SCLY: variants seen among roughly 807,000 people sequenced by gnomAD.
SCLY encodes selenocysteine lyase.
A neutral mutation model predicts 50.1 loss-of-function variants in SCLY; 38 were observed. The ratio of observed to expected loss-of-function variants is 0.76; its 90% CI spans 0.59 to 0.99. The LOEUF is 0.99. Among genes scored for constraint, SCLY ranks in the 50% least tolerant of loss-of-function variants. The pLI is 0.00. For missense variants in SCLY, 600 were observed against 620.0 expected (o/e 0.97, Z 0.34); for synonymous variants, 243 against 249.4 (o/e 0.97, Z 0.24).
intron 10 of SCLY, chr2:238,095,564 T>C (rs1204836163): frequency 6.6e-6 from 1 of 152,230 alleles, no homozygotes; most frequent in Non-Finnish European, 1.5e-5. Flanking sequence ...GCTGCGTTCA[T>C]GAGAACCTGG....
chr2:238,081,504 G>A (rs569512495), intron 4 of SCLY: 88 of 591,180 alleles, frequency 1.5e-4, no homozygotes, highest in African/African-American at 6.7e-4. Flanking sequence ...GACTGCAGCC[G>A]CGTTAAAGAC....
Position 238,069,169 on chromosome 2 carries a change from C to A in SCLY, c.304-128C>A. ...CCCAAATCTTTCAAAAGGTCCCACT[C>A]AGGAAGTTGAATTTCTTTGAAGCTT... On this transcript the variant is annotated intron_variant, in intron 3 of 11. Transcript: ENST00000254663. The surrounding 1 kb of genome is among the most constrained non-coding windows in gnomAD (Gnocchi z 5.0). 1.2e-6 allele frequency: 1 copy of A among 810,830 alleles called. No individual in the cohort carries two copies. The allele number at this position is 810,830 out of a possible 1,614,324, so 50.2% of individuals were successfully genotyped here.
intron 7 of SCLY, among the ~76,000 whole-genome samples, chr2:238,084,539 C>T (rs1328651270): frequency 3.0e-5 from 4 of 131,450 alleles, no homozygotes; most frequent in Non-Finnish European, 4.6e-5. Flanking sequence ...TGCAGTGATC[C>T]GAGATGGCAC....
At chr2:238,078,780 C>T (rs1159091570) in intron 4 of SCLY, 2 of 151,726 alleles carry the variant, frequency 1.3e-5, no homozygotes, top group Non-Finnish European at 1.5e-5. Flanking sequence ...GCAACCTCCA[C>T]CTTCCAGGTT....
At chr2:238,081,582 A>G in intron 4 of SCLY, 127 bp from the exon 5 acceptor site, 2 of 1,327,952 alleles carry the variant, frequency 1.5e-6, no homozygotes, top group East Asian at 2.4e-5. Context: ...ATTCTTCTTT[A>G]TAGTCTTCTG....
chr2:238,089,476 C>T (rs879314288), intron 7 of SCLY, among the ~76,000 whole-genome samples: 1 of 152,156 alleles, frequency 6.6e-6, no homozygotes, highest in Non-Finnish European at 1.5e-5. Context: ...TTCAACAGAT[C>T]GTGCCAAGGC....
intron 1 of SCLY, among the ~76,000 whole-genome samples, chr2:238,063,245 T>C (rs977169911): frequency 6.9e-6 from 1 of 145,432 alleles, no homozygotes; most frequent in African/African-American, 2.5e-5. Context: ...GGGTTTGTTT[T>C]TTTTGTTGTT....
chr2:238,081,384 C>T, intron 4 of SCLY: 1 of 255,424 alleles, frequency 3.9e-6, no homozygotes, highest in Non-Finnish European at 7.7e-6. Flanking sequence ...CAGTGAAGTG[C>T]TGTGCACTAG....
At chr2:238,074,498 T>C (rs2065154596) in intron 4 of SCLY, among the ~76,000 whole-genome samples, 1 of 152,174 alleles carries the variant, frequency 6.6e-6, no homozygotes, top group African/African-American at 2.4e-5. Context: ...TAGTTTTGTT[T>C]TTTTGAGGCA....
chr2:238,097,147 C>T (rs1005019348), intron 11 of SCLY, among the ~76,000 whole-genome samples: 4 of 20,002 alleles, frequency 2.0e-4, no homozygotes, highest in Non-Finnish European at 3.8e-4. Context: ...CCAGCGTGGC[C>T]GGGGCTGGGG....
intron 7 of SCLY, among the ~76,000 whole-genome samples, chr2:238,086,658 A>G (rs1297579812): frequency 6.7e-6 from 1 of 148,770 alleles, no homozygotes; most frequent in African/African-American, 2.5e-5. Context: ...GTGAGCTATG[A>G]TCACACCATT....
intron 8 of SCLY, chr2:238,091,610 G>T: frequency 3.5e-6 from 1 of 284,042 alleles, no homozygotes; most frequent in Admixed American, 4.6e-5. Flanking sequence ...TTGGTCTGTG[G>T]GGTGGCCAAT....
At position 238,069,628 on chromosome 2, in the gene SCLY, G is replaced by A. The variant is rs1251777468; in HGVS notation, c.484+151G>A. ...CTCACTGGTTCTGATGAGGAGGCAGGCCCTGGCACCTTGGTGAATAGTTGC... is the reference window on the plus strand; with the variant it reads ...CTCACTGGTTCTGATGAGGAGGCAGACCCTGGCACCTTGGTGAATAGTTGC... On this transcript the variant is annotated intron_variant, in intron 4 of 11. Coordinates refer to ENST00000254663, the MANE Select transcript of SCLY (RefSeq NM_016510.7). The surrounding 1 kb of genome is among the most constrained non-coding windows in gnomAD (Gnocchi z 5.0). 3 of 700,924 alleles carry A rather than the reference G, an allele frequency of 4.3e-6. No homozygotes were observed. The highest frequency in any genetic ancestry group is 4.4e-6 in the Non-Finnish European group (2 of 453,576). 43.4% of individuals were successfully genotyped at this position (700,924 alleles called of 1,614,324 possible).
Position 238,098,366 on chromosome 2 carries a change from G to A in SCLY, c.*11G>A, listed in dbSNP as rs376812888. On this transcript the variant is annotated 3_prime_UTR_variant, in exon 12 of 12. Transcript: ENST00000254663. The stretch of plus-strand genomic sequence containing the variant: ...GAGGACCAGGCCTAGCACTGGGGCC[G>A]CCTTCCCCACCCCGCTTCTGGGAAG... 9.2e-5 allele frequency: 145 copies of A among 1,580,442 alleles called. 1 individual carries two copies. The highest frequency in any genetic ancestry group is 7.5e-4 in the Admixed American group (44 of 58,784).
intron 11 of SCLY, among the ~76,000 whole-genome samples, chr2:238,097,384 C>T (rs1249812561): frequency 1.1e-5 from 1 of 89,574 alleles, no homozygotes; most frequent in African/African-American, 7.1e-5. Flanking sequence ...GCCCGAGCAG[C>T]GGCCTGCTGG....
At position 238,098,668 on chromosome 2, in the gene SCLY, T is replaced by TGGGA. The variant is rs1691357850; in HGVS notation, c.*313_*314insGGGA. 16 of 101,128 alleles carry TGGGA rather than the reference T, an allele frequency of 1.6e-4. No individual in the cohort carries two copies. Among genetic ancestry groups the TGGGA allele is most frequent in the South Asian group, 8.1e-4 (2 of 2,472 alleles). The allele number at this position is 101,128 out of a possible 1,614,324, so 6.3% of individuals were successfully genotyped here. On this transcript the variant is annotated 3_prime_UTR_variant, in exon 12 of 12. Coordinates refer to ENST00000254663, the MANE Select transcript of SCLY (RefSeq NM_016510.7). The stretch of plus-strand genomic sequence containing the variant: ...ACATGGGACCGCCCACATAGAACCG[T>TGGGA]CCTCCAGTGGTGAAGCGGAAACACT...
At chr2:238,068,200 T>C (rs770465159) in intron 3 of SCLY, 35 bp downstream of exon 3, 15 of 1,360,862 alleles carry the variant, frequency 1.1e-5, no homozygotes, top group Non-Finnish European at 1.4e-5. Flanking sequence ...TTCTGTTAAC[T>C]GTAAGTTATA....
At chr2:238,076,140 G>A (rs1199037385) in intron 4 of SCLY, among the ~76,000 whole-genome samples, 1 of 146,584 alleles carries the variant, frequency 6.8e-6, no homozygotes, top group Non-Finnish European at 1.5e-5. Flanking sequence ...TGCCCAGGCT[G>A]AAGTACGGTG....
chr2:238,068,206 T>G, intron 3 of SCLY, 41 bp downstream of exon 3: 1 of 1,344,388 alleles, frequency 7.4e-7, no homozygotes, highest in Non-Finnish European at 1.0e-6. Flanking sequence ...TAACTGTAAG[T>G]TATAATAAAA....
Sources: gnomAD v4.1 joint callset for allele counts (sites outside exome capture counted in the v4.1 genomes callset) on GRCh38, gnomAD v4.1.1 for gene constraint, Gnocchi (gnomAD v3.1) non-coding constraint, MANE v1.5 for transcripts, NCBI Gene and HGNC (gene_info 2026-07-23, HGNC 2026-07-21) for gene names.